The following ZNF141 variants were observed in gnomAD, a reference collection of about 807,000 sequenced individuals.
ZNF141 encodes the protein zinc finger protein 141.
Under a neutral mutation model 11.3 loss-of-function variants are expected in ZNF141, and 7 were observed. That is an observed-to-expected ratio of 0.62 (90% CI 0.35 to 1.16). ZNF141 has a LOEUF of 1.16. ZNF141 is among the 50% of genes most tolerant of loss of function. ZNF141 has a pLI of 0.02. For synonymous variants in ZNF141, 183 were observed against 190.7 expected (o/e 0.96, Z 0.33); for missense variants, 535 against 554.0 (o/e 0.97, Z 0.34).
At chr4:360,617 G>A (rs1553851994) in intron 3 of ZNF141, among the ~76,000 whole-genome samples, 1 of 151,898 alleles carries the variant, frequency 6.6e-6, no homozygotes, top group African/African-American at 2.4e-5. Flanking sequence ...ACTTTTTTGT[G>A]TGTTTTTAAT....
At chr4:352,355 C>G (rs1721645801) in intron 3 of ZNF141, among the ~76,000 whole-genome samples, 1 of 152,088 alleles carries the variant, frequency 6.6e-6, no homozygotes, top group Middle Eastern at 3.2e-3. Context: ...CCACTGCGCT[C>G]CAGCCTGGTG....
chr4:366,582 G>A (rs547431347), intron 3 of ZNF141, among the ~76,000 whole-genome samples: 68 of 152,338 alleles, frequency 4.5e-4, no homozygotes, highest in South Asian at 2.5e-3. Context: ...GATTACAGGC[G>A]TGAGCCACCA....
At chr4:371,943 A>G (rs1211783228) in intron 3 of ZNF141, among the ~76,000 whole-genome samples, 1 of 152,224 alleles carries the variant, frequency 6.6e-6, no homozygotes, top group East Asian at 1.9e-4. Flanking sequence ...GCTATTTGTC[A>G]CAATCTTTAC....
chr4:348,315 T>C (rs1721435168), intron 3 of ZNF141, among the ~76,000 whole-genome samples: 2 of 152,226 alleles, frequency 1.3e-5, no homozygotes, highest in Non-Finnish European at 2.9e-5. Context: ...CAAAAAAAGT[T>C]ATTGCCGAGA....
In ZNF141 at chr4:358,047, T is replaced by C. The variant is rs1021833948; in HGVS notation, c.226+13617T>C. Among the ~76,000 whole-genome samples, 3 of 151,958 alleles carry C rather than the reference T, an allele frequency of 2.0e-5. No homozygotes were observed. In the South Asian group the frequency reaches 6.2e-4, roughly 32 times the overall value. On this transcript the variant is annotated intron_variant, in intron 3 of 3. Transcript: ENST00000240499. ...TTCTTTAAGTTTTAATTAGGAACTT[T>C]CAAATGACTTACTTTTAAGTTTGCT...
rs1712452980 is a variant in ZNF141, at chr4:378,068, G to A, written c.*4206G>A. 6.6e-6 allele frequency: 1 copy of A among 152,074 alleles called. No homozygotes were observed. The highest frequency in any genetic ancestry group is 2.1e-4 in the South Asian group (1 of 4,810). 9.4% of individuals were successfully genotyped at this position (152,074 alleles called of 1,614,324 possible). The stretch of plus-strand genomic sequence containing the variant: ...TAGTCCCAGCTACTCGGGAAGCTGA[G>A]GCAGGAGAATCGCTTGAACCCAGGA... On this transcript the variant is annotated 3_prime_UTR_variant, in exon 4 of 4. Coordinates refer to ENST00000240499, the MANE Select transcript of ZNF141 (RefSeq NM_003441.4).
intron 3 of ZNF141, among the ~76,000 whole-genome samples, chr4:361,542 G>A (rs1335218273): frequency 1.3e-5 from 2 of 151,886 alleles, no homozygotes; most frequent in Admixed American, 6.6e-5. Context: ...CCAACCCCAC[G>A]ACAGGCCCCG....
intron 3 of ZNF141, among the ~76,000 whole-genome samples, chr4:360,685 A>G (rs1722065828): frequency 6.6e-6 from 1 of 152,118 alleles, no homozygotes; most frequent in Admixed American, 6.6e-5. Context: ...GTATTGTTTA[A>G]TTCCAATAAA....
intron 1 of ZNF141, among the ~76,000 whole-genome samples, chr4:339,149 C>G (rs1190687811): frequency 6.6e-6 from 1 of 152,240 alleles, no homozygotes; most frequent in Non-Finnish European, 1.5e-5. Flanking sequence ...AGGAATTGTG[C>G]CCATGGCAGC....
chr4:367,766 C>T (rs1003882085), intron 3 of ZNF141, among the ~76,000 whole-genome samples: 5 of 152,102 alleles, frequency 3.3e-5, no homozygotes, highest in Admixed American at 6.6e-5. Context: ...CTGTCCGCCA[C>T]GGCCTCCCAA....
intron 1 of ZNF141, among the ~76,000 whole-genome samples, chr4:342,595 A>G (rs1354968533): frequency 6.6e-6 from 1 of 152,206 alleles, no homozygotes; most frequent in African/African-American, 2.4e-5. Flanking sequence ...ACAATATCAA[A>G]TAATGTATAT....
rs566924768 is a variant in ZNF141, at chr4:383,034, A to G, written c.*9172A>G. ...CTTCTCTTGACTTATCTGCACTGGC[A>G]CAGGGTGCCAGTTTGGGGCCCAGGT... On this transcript the variant is annotated 3_prime_UTR_variant, in exon 4 of 4. Coordinates refer to ENST00000240499, the MANE Select transcript of ZNF141 (RefSeq NM_003441.4). The G allele has an allele frequency of 2.6e-5, 16 of 615,682 alleles. 1 individual carries two copies. The South Asian group carries it at 3.1e-4, about 12-fold the overall frequency. 38.1% of individuals were successfully genotyped at this position (615,682 alleles called of 1,614,324 possible).
At chr4:346,047 A>G (rs1408756261) in intron 3 of ZNF141, among the ~76,000 whole-genome samples, 1 of 152,214 alleles carries the variant, frequency 6.6e-6, no homozygotes, top group East Asian at 1.9e-4. Flanking sequence ...AGCTATATAA[A>G]AATGTGTGTC....
At chr4:343,592 G>T (rs903236998) in intron 1 of ZNF141, among the ~76,000 whole-genome samples, 190 bp from the exon 2 acceptor site, 103 of 152,104 alleles carry the variant, frequency 6.8e-4, no homozygotes, top group Non-Finnish European at 5.0e-4. Flanking sequence ...GGGCGTGGTG[G>T]CGGGCACATG....
chr4:383,544 G>T lies in ZNF141; in HGVS notation c.*9682G>T. ...GAGGCAGGGAACTTAAGGCCAATTC[G>T]TGCTGACTTCCTACAAGAAAAAACA... On this transcript the variant is annotated 3_prime_UTR_variant, in exon 4 of 4. Transcript: ENST00000240499. 5.7e-6 allele frequency: 1 copy of T among 175,878 alleles called. No individual in the cohort carries two copies. The highest frequency in any genetic ancestry group is 1.2e-5 in the Non-Finnish European group (1 of 84,072). The allele number at this position is 175,878 out of a possible 1,614,324, so 10.9% of individuals were successfully genotyped here.
rs1386534044 is a variant in ZNF141 at position 350,350 on chromosome 4, A to T, written c.226+5920A>T. ...TTTCTATGTGCTTACTACTTAAAAT[A>T]TTGTATAAAAATGGAATCATGCATT... On this transcript the variant is annotated intron_variant, in intron 3 of 3. Transcript: ENST00000240499. The T allele has an allele frequency of 4.6e-5, 17 of 372,228 alleles. No homozygotes were observed. The Admixed American group carries it at 6.0e-4, about 13-fold the overall frequency. The allele number at this position is 372,228 out of a possible 1,614,324, so 23.1% of individuals were successfully genotyped here. A position where few individuals can be genotyped will look rare whatever the true frequency, so the allele number is the denominator to read the frequency against.
Position 342,867 on chromosome 4 carries a change from G to C in ZNF141, c.4-915G>C. 10 of 1,608,568 alleles carry C rather than the reference G, an allele frequency of 6.2e-6. No individual in the cohort carries two copies. The East Asian group carries it at 2.2e-4, about 36-fold the overall frequency. On this transcript the variant is annotated intron_variant, in intron 1 of 3. Coordinates refer to ENST00000240499, the MANE Select transcript of ZNF141 (RefSeq NM_003441.4). ...AATTCATCCCAACTGTAGGCTGAGT[G>C]ACCTGAAGGTTGAACAGACTGCCGA...
chr4:338,922 C>T (rs1720920140), intron 1 of ZNF141, among the ~76,000 whole-genome samples: 1 of 152,190 alleles, frequency 6.6e-6, no homozygotes, highest in Non-Finnish European at 1.5e-5. Context: ...GGAGACCAGC[C>T]GGGTTCTGCA....
rs1712332310 is a variant in ZNF141 at position 375,721 on chromosome 4, G to A, written c.*1859G>A. On this transcript the variant is annotated 3_prime_UTR_variant, in exon 4 of 4. Coordinates refer to ENST00000240499, the MANE Select transcript of ZNF141 (RefSeq NM_003441.4). ...TAGATTTTTTGAAAAGCATATAATA[G>A]TTAATTCAACTCAAATTATTTCATA... 6.6e-6 allele frequency among the ~76,000 whole-genome samples: 1 copy of A among 152,058 alleles called. No individual in the cohort carries two copies. The highest frequency in any genetic ancestry group is 2.4e-5 in the African/African-American group (1 of 41,422).
Sources: gnomAD v4.1 joint callset for allele counts (sites outside exome capture counted in the v4.1 genomes callset) on GRCh38, gnomAD v4.1.1 for gene constraint, MANE v1.5 for transcripts, NCBI Gene and HGNC (gene_info 2026-07-23, HGNC 2026-07-21) for gene names.